The following CDH13 variants were observed in gnomAD, a reference collection of about 807,000 sequenced individuals.
CDH13 encodes the protein cadherin 13.
CDH13 carries 24 observed loss-of-function variants against 63.8 expected under a neutral mutation model. That is an observed-to-expected ratio of 0.38 (90% CI 0.27 to 0.53). The LOEUF is 0.53. Ranked by LOEUF, CDH13 falls within the 20% of genes least tolerant of loss-of-function variation. CDH13 has a pLI of 0.85. For synonymous variants in CDH13, 503 were observed against 355.3 expected (o/e 1.42, Z -4.67); for missense variants, 1,049 against 903.1 (o/e 1.16, Z -2.07).
chr16:82,905,396 G>GA (rs2041609233), intron 2 of CDH13, among the ~76,000 whole-genome samples: 1 of 151,694 alleles, frequency 6.6e-6, no homozygotes, highest in Non-Finnish European at 1.5e-5. Context: ...ATAAGAAAAA[G>GA]AAAAACAGGA....
At chr16:83,382,334 G>A (rs1046397965) in intron 6 of CDH13, among the ~76,000 whole-genome samples, 4 of 152,138 alleles carry the variant, frequency 2.6e-5, no homozygotes, top group African/African-American at 9.7e-5. Flanking sequence ...AAATCCACAA[G>A]TACAATTTAA....
At chr16:82,991,570 C>G (rs1257586297) in intron 2 of CDH13, among the ~76,000 whole-genome samples, 1 of 152,130 alleles carries the variant, frequency 6.6e-6, no homozygotes, top group Non-Finnish European at 1.5e-5. Flanking sequence ...TCCCTCATCT[C>G]ACGGCAACCT....
intron 7 of CDH13, among the ~76,000 whole-genome samples, chr16:83,571,196 G>A (rs895714604): frequency 2.6e-5 from 4 of 151,902 alleles, no homozygotes; most frequent in African/African-American, 9.7e-5. Flanking sequence ...CACCCAATTT[G>A]CTCCATATGG....
chr16:83,713,543 G>C (rs553644106), intron 10 of CDH13, among the ~76,000 whole-genome samples: 12 of 152,056 alleles, frequency 7.9e-5, no homozygotes, highest in East Asian at 7.7e-4. Context: ...CAAATTTGTA[G>C]GTAAAAAGAC....
At chr16:83,467,775 C>CT (rs1294671331) in intron 6 of CDH13, among the ~76,000 whole-genome samples, 1 of 152,124 alleles carries the variant, frequency 6.6e-6, no homozygotes, top group East Asian at 1.9e-4. Flanking sequence ...GCTGTGTAAC[C>CT]CTGAGCCAGT....
At chr16:83,350,176 G>C (rs747413866) in intron 6 of CDH13, among the ~76,000 whole-genome samples, 1 of 152,090 alleles carries the variant, frequency 6.6e-6, no homozygotes, top group African/African-American at 2.4e-5. Context: ...TTGAGGCCTC[G>C]GCCTTCCAAC....
At chr16:82,682,667 T>G (rs1026590000) in intron 1 of CDH13, among the ~76,000 whole-genome samples, 1 of 152,212 alleles carries the variant, frequency 6.6e-6, no homozygotes, top group Admixed American at 6.5e-5. Flanking sequence ...ATAGGAAGTC[T>G]CCAAGGAGCA....
rs1016851844 is a variant in CDH13, at chr16:83,686,731, C to T, written c.1538+8270C>T. 4.6e-5 allele frequency among the ~76,000 whole-genome samples: 7 copies of T among 152,194 alleles called. No homozygotes were observed. The South Asian group carries it at 1.2e-3, about 27-fold the overall frequency. ...TTTTTAGTGTGGGTACATTTTAGTACATTTGATACAGTTTGGGGTGAGGCC... is the reference window on the plus strand; with the variant it reads ...TTTTTAGTGTGGGTACATTTTAGTATATTTGATACAGTTTGGGGTGAGGCC... On this transcript the variant is annotated intron_variant, in intron 10 of 13. Transcript: ENST00000567109.
At chr16:83,757,878 CA>C (rs1913643714) in intron 11 of CDH13, among the ~76,000 whole-genome samples, 2 of 151,814 alleles carry the variant, frequency 1.3e-5, no homozygotes, top group South Asian at 4.2e-4. Context: ...CCTGTAATCC[CA>C]GCACTTTGGA....
intron 2 of CDH13, among the ~76,000 whole-genome samples, chr16:82,903,171 T>C (rs1004312882): frequency 2.6e-5 from 4 of 152,254 alleles, no homozygotes; most frequent in Non-Finnish European, 4.4e-5. Flanking sequence ...ATTCATAGGA[T>C]AACCCACAGA....
intron 3 of CDH13, among the ~76,000 whole-genome samples, chr16:83,052,131 T>C (rs1252952226): frequency 6.6e-6 from 1 of 152,242 alleles, no homozygotes; most frequent in Non-Finnish European, 1.5e-5. Context: ...CCGTATGCCA[T>C]GTCCATACGA....
intron 6 of CDH13, among the ~76,000 whole-genome samples, chr16:83,364,426 A>G (rs1022613873): frequency 6.6e-6 from 1 of 152,222 alleles, no homozygotes; most frequent in Admixed American, 6.5e-5. Flanking sequence ...CCCGAGAAAT[A>G]GATAAAGGAG....
intron 3 of CDH13, among the ~76,000 whole-genome samples, chr16:83,061,978 G>C (rs1457825141): frequency 6.6e-6 from 1 of 152,208 alleles, no homozygotes; most frequent in Non-Finnish European, 1.5e-5. Context: ...GAGATAGTGA[G>C]CTGGGCAGGG....
chr16:83,455,426 C>T (rs2072995819), intron 6 of CDH13, among the ~76,000 whole-genome samples: 1 of 152,126 alleles, frequency 6.6e-6, no homozygotes, highest in South Asian at 2.1e-4. Flanking sequence ...CCATCCATTG[C>T]TGCCGTGTCT....
chr16:83,659,230 A>G (rs895441785), intron 8 of CDH13, among the ~76,000 whole-genome samples: 1 of 141,950 alleles, frequency 7.0e-6, no homozygotes, highest in Non-Finnish European at 1.5e-5. Flanking sequence ...CCTCACCAGC[A>G]AGGTCCCATG....
intron 4 of CDH13, among the ~76,000 whole-genome samples, chr16:83,213,350 G>C (rs2039392589): frequency 6.6e-6 from 1 of 152,198 alleles, no homozygotes; most frequent in Admixed American, 6.5e-5. Context: ...TCAGCTTTCT[G>C]TGCCGAGTGG....
At chr16:83,320,245 T>G (rs942569326) in intron 5 of CDH13, among the ~76,000 whole-genome samples, 1 of 152,036 alleles carries the variant, frequency 6.6e-6, no homozygotes, top group African/African-American at 2.4e-5. Context: ...AGGGTCTCAT[T>G]CTGTTGCCCA....
chr16:82,728,106 G>A (rs541853397), intron 1 of CDH13, among the ~76,000 whole-genome samples: 4 of 152,264 alleles, frequency 2.6e-5, no homozygotes, highest in Admixed American at 2.6e-4. Flanking sequence ...TAGGGCTGCT[G>A]TGAGAATCAA....
At chr16:83,700,999 C>G (rs565850895) in intron 10 of CDH13, among the ~76,000 whole-genome samples, 5 of 152,162 alleles carry the variant, frequency 3.3e-5, no homozygotes, top group African/African-American at 1.2e-4. Context: ...TTCTTCCCCA[C>G]CAAGTGTGGA....
Sources: gnomAD v4.1 joint callset for allele counts (sites outside exome capture counted in the v4.1 genomes callset) on GRCh38, gnomAD v4.1.1 for gene constraint, MANE v1.5 for transcripts, NCBI Gene and HGNC (gene_info 2026-07-23, HGNC 2026-07-21) for gene names.